Variants in SGMS1 observed in about 807,000 individuals in gnomAD.
SGMS1 encodes the protein sphingomyelin synthase 1.
A neutral mutation model predicts 46.2 loss-of-function variants in SGMS1; 13 were observed. The ratio of observed to expected loss-of-function variants is 0.28; its 90% CI spans 0.18 to 0.45. The LOEUF (loss-of-function observed/expected upper bound fraction) is 0.45. SGMS1 is among the 20% of genes least tolerant of loss of function. The probability of loss-of-function intolerance (pLI) is 1.00; values close to 1 mark genes in which losing one functional copy is unlikely to be tolerated. For synonymous variants in SGMS1, 203 were observed against 187.8 expected (o/e 1.08, Z -0.66); for missense variants, 324 against 519.9 (o/e 0.62, Z 3.66).
chr10:50,355,618 C>T (rs1046973664), intron 6 of SGMS1, among the ~76,000 whole-genome samples: 108 of 152,276 alleles, frequency 7.1e-4, no homozygotes, highest in African/African-American at 3.6e-4. Context: ...GATCTCGGCT[C>T]GCTACAACCT....
intron 1 of SGMS1, among the ~76,000 whole-genome samples, chr10:50,601,218 G>T (rs921952576): frequency 1.3e-5 from 2 of 152,136 alleles, no homozygotes; most frequent in African/African-American, 4.8e-5. Flanking sequence ...AGGATGCAGG[G>T]GTAAGAGGAA....
intron 1 of SGMS1, among the ~76,000 whole-genome samples, chr10:50,609,237 C>G (rs1156773969): frequency 1.3e-5 from 2 of 152,184 alleles, no homozygotes; most frequent in African/African-American, 4.8e-5. Context: ...TCCCAAAGTG[C>G]TGGGATTACA....
chr10:50,560,327 A>G (rs148714568), intron 2 of SGMS1, among the ~76,000 whole-genome samples: 185 of 137,594 alleles, frequency 1.3e-3, no homozygotes, highest in Admixed American at 3.0e-3. Flanking sequence ...TTAATATTAT[A>G]TATTATTAAT....
intron 8 of SGMS1, among the ~76,000 whole-genome samples, chr10:50,321,001 C>T (rs1847433367): frequency 1.3e-5 from 2 of 152,084 alleles, no homozygotes; most frequent in Admixed American, 1.3e-4. Flanking sequence ...ATTGTGTGTC[C>T]TCAAAATTTA....
intron 5 of SGMS1, among the ~76,000 whole-genome samples, chr10:50,458,764 T>C: frequency 6.6e-6 from 1 of 152,186 alleles, no homozygotes; most frequent in Non-Finnish European, 1.5e-5. Flanking sequence ...TCAGGATTTT[T>C]ACGGTGATTT....
chr10:50,334,182 T>C (rs1177741359), intron 7 of SGMS1, among the ~76,000 whole-genome samples: 1 of 152,220 alleles, frequency 6.6e-6, no homozygotes, highest in African/African-American at 2.4e-5. Flanking sequence ...ACATCAACAC[T>C]ATCTACTTGA....
At position 50,320,305 on chromosome 10, in the gene SGMS1, A is replaced by G. The variant is rs201401606; in HGVS notation, c.741+6900T>C. Reference sequence around the variant, plus strand: ...CTTGGCTAGTCTTCTTGCCTTTGCCACTCAGTACCTATAAGACATTAGGCT... The same window carrying G: ...CTTGGCTAGTCTTCTTGCCTTTGCCGCTCAGTACCTATAAGACATTAGGCT... On this transcript the variant is annotated intron_variant, in intron 8 of 10. Transcript: ENST00000361781. 2.6e-5 allele frequency among the ~76,000 whole-genome samples: 4 copies of G among 152,172 alleles called. No homozygotes were observed. In the East Asian group the frequency reaches 5.8e-4, roughly 22 times the overall value.
intron 2 of SGMS1, among the ~76,000 whole-genome samples, chr10:50,522,502 G>A (rs950913616): frequency 6.6e-6 from 1 of 152,058 alleles, no homozygotes; most frequent in African/African-American, 2.4e-5. Flanking sequence ...TTTTGAATAT[G>A]AGTCACAATC....
intron 5 of SGMS1, among the ~76,000 whole-genome samples, chr10:50,447,382 A>C (rs548589341): frequency 2.3e-4 from 35 of 152,266 alleles, no homozygotes; most frequent in African/African-American, 8.2e-4. Context: ...AGTATAAATA[A>C]GTGTTCTTGA....
In SGMS1 at chr10:50,587,633, A is replaced by ATGTGTGTGTGTG. The variant is rs35240090; in HGVS notation, c.-589+2508_-589+2519dup. Among the ~76,000 whole-genome samples, 981 of 138,178 alleles carry ATGTGTGTGTGTG rather than the reference A, an allele frequency of 7.1e-3. 7 individuals are homozygous for ATGTGTGTGTGTG. Among genetic ancestry groups the ATGTGTGTGTGTG allele is most frequent in the Non-Finnish European group, 8.5e-3 (545 of 64,166 alleles). The allele number at this position is 138,178 out of a possible 152,430, so 90.7% of individuals were successfully genotyped here. A position where few individuals can be genotyped will look rare whatever the true frequency, so the allele number is the denominator to read the frequency against. Reference sequence around the variant, plus strand: ...AGCAAGACTGCATCTCAAAATATATATGTGTGTGTGTGTGTGTGTGTGTGT... The same window carrying ATGTGTGTGTGTG: ...AGCAAGACTGCATCTCAAAATATATATGTGTGTGTGTGTGTGTGTGTGTGTGTGTGTGTGTGT... On this transcript the variant is annotated intron_variant, in intron 2 of 10. Transcript: ENST00000361781.
At chr10:50,534,065 A>T (rs1473356293) in intron 2 of SGMS1, among the ~76,000 whole-genome samples, 1 of 152,134 alleles carries the variant, frequency 6.6e-6, no homozygotes, top group East Asian at 1.9e-4. Flanking sequence ...TTATCCCCAA[A>T]ATATATAGAA....
intron 4 of SGMS1, among the ~76,000 whole-genome samples, chr10:50,463,457 C>T (rs540561462): frequency 7.2e-4 from 110 of 152,194 alleles, no homozygotes; most frequent in East Asian, 2.7e-3. Context: ...CAAATCAAAA[C>T]CACAATGAGA....
intron 1 of SGMS1, 129 bp from the exon 2 acceptor site, chr10:50,590,376 T>C (rs901161231): frequency 6.6e-6 from 1 of 152,196 alleles, no homozygotes; most frequent in African/African-American, 2.4e-5. Flanking sequence ...AACTTTTTAA[T>C]AGGGGAAAAA....
intron 9 of SGMS1, 29 bp from the exon 10 acceptor site, chr10:50,308,177 C>T (rs41275244): frequency 0.027 from 43,729 of 1,600,788 alleles, 730 homozygotes; most frequent in Middle Eastern, 0.055. Context: ...TGCAATAGTC[C>T]CATTATTCAA....
At chr10:50,466,411 T>A (rs1290006817) in intron 4 of SGMS1, among the ~76,000 whole-genome samples, 1 of 152,156 alleles carries the variant, frequency 6.6e-6, no homozygotes, top group African/African-American at 2.4e-5. Flanking sequence ...TCAATGTTCA[T>A]CTACACAGAA....
chr10:50,325,088 TCA>T (rs752063713), intron 8 of SGMS1, among the ~76,000 whole-genome samples: 16 of 152,216 alleles, frequency 1.1e-4, no homozygotes, highest in Non-Finnish European at 1.3e-4. Context: ...ACTAAAATGT[TCA>T]CAGTTTTTAG....
At chr10:50,469,792 C>T (rs754284923) in intron 3 of SGMS1, among the ~76,000 whole-genome samples, 1 of 152,084 alleles carries the variant, frequency 6.6e-6, no homozygotes, top group African/African-American at 2.4e-5. Flanking sequence ...GGAAAACACA[C>T]TGGAGTAAGA....
At chr10:50,332,201 T>C (rs753614101) in intron 7 of SGMS1, among the ~76,000 whole-genome samples, 3 of 152,168 alleles carry the variant, frequency 2.0e-5, no homozygotes, top group Non-Finnish European at 1.5e-5. Context: ...CTCCAGGCTC[T>C]ATCTCAGCCC....
intron 2 of SGMS1, among the ~76,000 whole-genome samples, chr10:50,560,113 T>C (rs893167670): frequency 6.8e-6 from 1 of 147,000 alleles, no homozygotes; most frequent in African/African-American, 2.5e-5. Flanking sequence ...TTATATAATA[T>C]ATTACATTAT....
Sources: gnomAD v4.1 joint callset for allele counts (sites outside exome capture counted in the v4.1 genomes callset) on GRCh38, gnomAD v4.1.1 for gene constraint, MANE v1.5 for transcripts, NCBI Gene and HGNC (gene_info 2026-07-23, HGNC 2026-07-21) for gene names.